Variants in RSRC1 observed in about 807,000 individuals in gnomAD.
RSRC1 encodes serine/Arginine-related protein 53.
RSRC1 carries 39 observed loss-of-function variants against 49.1 expected under a neutral mutation model. The observed-to-expected ratio is 0.79, with a 90% CI of 0.61 to 1.04. RSRC1 has a LOEUF of 1.04. Among genes scored for constraint, RSRC1 ranks in the 50% least tolerant of loss-of-function variants. The pLI is 0.00. For missense variants in RSRC1, 388 were observed against 402.4 expected, an observed-to-expected ratio of 0.96 and a Z score of 0.31; for synonymous variants, 143 against 130.8, an observed-to-expected ratio of 1.09 and a Z score of -0.63.
chr3:158,406,077 C>T (rs1430250658), intron 6 of RSRC1, among the ~76,000 whole-genome samples: 2 of 151,756 alleles, frequency 1.3e-5, no homozygotes, highest in African/African-American at 4.8e-5. Context: ...ATTGTTATCC[C>T]TAACCAAACA....
At chr3:158,445,073 A>G (rs1365946107) in intron 6 of RSRC1, among the ~76,000 whole-genome samples, 1 of 152,232 alleles carries the variant, frequency 6.6e-6, no homozygotes, top group Admixed American at 6.5e-5. Context: ...AAACTAGTTC[A>G]ACCATTGTGA....
At chr3:158,543,592 C>A (rs1713160341) in intron 9 of RSRC1, 105 bp downstream of exon 9, 5 of 1,209,892 alleles carry the variant, frequency 4.1e-6, no homozygotes, top group Non-Finnish European at 5.7e-6. Flanking sequence ...TTGGAGGAAA[C>A]AGGTTCATAT....
At position 158,334,649 on chromosome 3, in the gene RSRC1, T is replaced by TGTGTGTGTG. The variant is rs1729770824; in HGVS notation, c.532-20208_532-20207insGTGTGTGTG. On this transcript the variant is annotated intron_variant, in intron 5 of 9. Coordinates refer to ENST00000611884, the MANE Select transcript of RSRC1 (RefSeq NM_001271838.2). ...GCACATGACACCACACCCAGCTAAT[T>TGTGTGTGTG]TGTGTGTGTGTGTGTGTGTGTGTGT... 9.5e-5 allele frequency among the ~76,000 whole-genome samples: 13 copies of TGTGTGTGTG among 137,536 alleles called. No homozygotes were observed. In the South Asian group the frequency reaches 3.0e-3, roughly 32 times the overall value. The allele number at this position is 137,536 out of a possible 152,430, so 90.2% of individuals were successfully genotyped here. A position where few individuals can be genotyped will look rare whatever the true frequency, so the allele number is the denominator to read the frequency against.
intron 4 of RSRC1, among the ~76,000 whole-genome samples, chr3:158,296,256 G>T (rs1392101281): frequency 1.3e-5 from 2 of 151,920 alleles, no homozygotes; most frequent in Non-Finnish European, 2.9e-5. Flanking sequence ...GCCAAGTGAA[G>T]GTACAAAACA....
At chr3:158,288,956 G>A (rs983991352) in intron 4 of RSRC1, among the ~76,000 whole-genome samples, 5 of 149,600 alleles carry the variant, frequency 3.3e-5, no homozygotes, top group Non-Finnish European at 5.9e-5. Context: ...AACATCTAAG[G>A]CATAGATACC....
chr3:158,150,504 A>C (rs1717456261), intron 3 of RSRC1, among the ~76,000 whole-genome samples: 1 of 152,194 alleles, frequency 6.6e-6, no homozygotes, highest in South Asian at 2.1e-4. Flanking sequence ...ATTGAAATGA[A>C]GATCTTCATT....
intron 3 of RSRC1, among the ~76,000 whole-genome samples, chr3:158,181,587 C>T (rs1423826781): frequency 6.6e-6 from 1 of 151,116 alleles, no homozygotes; most frequent in Non-Finnish European, 1.5e-5. Flanking sequence ...TAGATGTTAT[C>T]ATCATAGTTT....
At chr3:158,150,173 G>A (rs1559919845) in intron 3 of RSRC1, among the ~76,000 whole-genome samples, 1 of 152,204 alleles carries the variant, frequency 6.6e-6, no homozygotes, top group African/African-American at 2.4e-5. Flanking sequence ...CCAACTGCTA[G>A]TGCTGTTTAA....
intron 7 of RSRC1, among the ~76,000 whole-genome samples, chr3:158,528,477 A>G (rs1294864233): frequency 6.6e-6 from 1 of 151,856 alleles, no homozygotes; most frequent in Non-Finnish European, 1.5e-5. Flanking sequence ...TATCTCTGAT[A>G]TTAGCCACAG....
At chr3:158,367,128 C>A (rs975917662) in intron 6 of RSRC1, among the ~76,000 whole-genome samples, 6 of 151,920 alleles carry the variant, frequency 3.9e-5, no homozygotes, top group Non-Finnish European at 5.9e-5. Context: ...ATTTGAATAC[C>A]CTTTCTTTCT....
At chr3:158,483,166 T>C (rs938699154) in intron 7 of RSRC1, among the ~76,000 whole-genome samples, 14 of 152,066 alleles carry the variant, frequency 9.2e-5, no homozygotes, top group African/African-American at 2.7e-4. Flanking sequence ...CCTCTTAATA[T>C]GAATGTTTGA....
chr3:158,239,856 A>G (rs1336967353), intron 4 of RSRC1, among the ~76,000 whole-genome samples: 1 of 152,190 alleles, frequency 6.6e-6, no homozygotes, highest in East Asian at 1.9e-4. Context: ...TCTTAACAAT[A>G]AAAGAAAGAA....
intron 4 of RSRC1, among the ~76,000 whole-genome samples, chr3:158,212,352 C>G (rs1388504240): frequency 2.0e-5 from 3 of 151,326 alleles, no homozygotes; most frequent in Non-Finnish European, 3.0e-5. Context: ...TACTTCCATC[C>G]AAGTCTCCAG....
chr3:158,261,128 C>T (rs1724871573), intron 4 of RSRC1, among the ~76,000 whole-genome samples: 1 of 152,176 alleles, frequency 6.6e-6, no homozygotes, highest in Non-Finnish European at 1.5e-5. Context: ...CTGCAGGCTC[C>T]TATTTGGCCA....
At chr3:158,480,885 A>C (rs1272676932) in intron 7 of RSRC1, among the ~76,000 whole-genome samples, 1 of 152,054 alleles carries the variant, frequency 6.6e-6, no homozygotes, top group East Asian at 1.9e-4. Context: ...ATATGCAATC[A>C]CAGGTATATT....
chr3:158,181,409 G>A (rs1271919428), intron 3 of RSRC1, among the ~76,000 whole-genome samples: 1 of 152,194 alleles, frequency 6.6e-6, no homozygotes, highest in Non-Finnish European at 1.5e-5. Flanking sequence ...GGGAGGGTGT[G>A]ATGGCATTTA....
chr3:158,469,472 A>G (rs1241394033), intron 7 of RSRC1: 1 of 364,534 alleles, frequency 2.7e-6, no homozygotes, highest in African/African-American at 2.2e-5. Context: ...AAAGTCTTAT[A>G]CTATACTTCA....
chr3:158,397,601 T>G (rs978488157), intron 6 of RSRC1, among the ~76,000 whole-genome samples: 2 of 152,140 alleles, frequency 1.3e-5, no homozygotes, highest in African/African-American at 4.8e-5. Context: ...CAGCATTGTC[T>G]GTTAGTGTAT....
chr3:158,432,406 G>A (rs1009554780), intron 6 of RSRC1, among the ~76,000 whole-genome samples: 2 of 151,888 alleles, frequency 1.3e-5, no homozygotes, highest in African/African-American at 4.8e-5. Context: ...GAGAGTCTAT[G>A]GGGAGTTTTG....
Sources: gnomAD v4.1 joint callset for allele counts (sites outside exome capture counted in the v4.1 genomes callset) on GRCh38, gnomAD v4.1.1 for gene constraint, MANE v1.5 for transcripts, NCBI Gene and HGNC (gene_info 2026-07-23, HGNC 2026-07-21) for gene names.